GPRIN3: variants seen among roughly 807,000 people sequenced by gnomAD.
GPRIN3 encodes GPRIN family member 3.
Under a neutral mutation model 13.7 loss-of-function variants are expected in GPRIN3, and 12 were observed. The ratio of observed to expected loss-of-function variants is 0.87; its 90% CI spans 0.56 to 1.42. The LOEUF is 1.42. Ranked by LOEUF, GPRIN3 falls within the 40% of genes most tolerant of loss-of-function variation. The probability of loss-of-function intolerance (pLI) is 0.00; values close to 1 mark genes in which losing one functional copy is unlikely to be tolerated. For missense variants in GPRIN3, 1,009 were observed against 958.7 expected, an observed-to-expected ratio of 1.05 and a Z score of -0.69; for synonymous variants, 377 against 372.7, an observed-to-expected ratio of 1.01 and a Z score of -0.13.
At position 89,247,633 on chromosome 4, in the gene GPRIN3, G is replaced by T; in HGVS notation, c.*147C>A. On this transcript the variant is annotated 3_prime_UTR_variant, in exon 2 of 2. Transcript: ENST00000609438. ...TTGTTTATAGAGCTCCAGGTCAAAG[G>T]ATCTAACAATTTTTAATAGCAATTT... is the stretch of plus-strand genomic sequence containing the variant. 2 of 691,218 alleles carry T rather than the reference G, an allele frequency of 2.9e-6. No homozygotes were observed. The highest frequency in any genetic ancestry group is 4.6e-6 in the Non-Finnish European group (2 of 430,330). 42.8% of individuals were successfully genotyped at this position (691,218 alleles called of 1,614,324 possible). A position where few individuals can be genotyped will look rare whatever the true frequency, so the allele number is the denominator to read the frequency against.
At chr4:89,260,917 CA>C (rs1723604356) in intron 1 of GPRIN3, among the ~76,000 whole-genome samples, 1 of 152,150 alleles carries the variant, frequency 6.6e-6, no homozygotes. Context: ...GCCAGATATT[CA>C]GTATACAAAT....
intron 1 of GPRIN3, among the ~76,000 whole-genome samples, chr4:89,296,633 AT>A: frequency 1.5e-5 from 1 of 68,740 alleles, no homozygotes; most frequent in East Asian, 8.0e-4. Context: ...ATAAAGACAC[AT>A]GTTTGTTTTT....
At chr4:89,296,730 T>G (rs1203312933) in intron 1 of GPRIN3, among the ~76,000 whole-genome samples, 1 of 152,234 alleles carries the variant, frequency 6.6e-6, no homozygotes, top group Non-Finnish European at 1.5e-5. Flanking sequence ...GTTTTTCTTT[T>G]GAGAAACAAA....
intron 1 of GPRIN3, among the ~76,000 whole-genome samples, chr4:89,303,351 A>G (rs1724949044): frequency 6.6e-6 from 1 of 152,204 alleles, no homozygotes; most frequent in South Asian, 2.1e-4. Context: ...ATTCTGAGAA[A>G]TGAAATAATC....
chr4:89,264,298 G>A (rs941566363), intron 1 of GPRIN3, among the ~76,000 whole-genome samples: 2 of 152,058 alleles, frequency 1.3e-5, no homozygotes, highest in African/African-American at 4.8e-5. Flanking sequence ...CTCTCTCCCA[G>A]TTTGATCTCT....
intron 1 of GPRIN3, among the ~76,000 whole-genome samples, chr4:89,293,222 T>A (rs1353630004): frequency 6.6e-6 from 1 of 152,236 alleles, no homozygotes. Flanking sequence ...AGGGACTTCC[T>A]GCAGAAATGA....
chr4:89,303,187 T>C (rs1418542159), intron 1 of GPRIN3, among the ~76,000 whole-genome samples: 1 of 152,254 alleles, frequency 6.6e-6, no homozygotes, highest in Non-Finnish European at 1.5e-5. Context: ...ACTAAGAAGA[T>C]GGACAAGTCA....
At chr4:89,287,636 G>A (rs1410777591) in intron 1 of GPRIN3, among the ~76,000 whole-genome samples, 2 of 152,116 alleles carry the variant, frequency 1.3e-5, no homozygotes, top group Non-Finnish European at 2.9e-5. Flanking sequence ...ATACTCATTG[G>A]GAAATTCAGT....
intron 1 of GPRIN3, among the ~76,000 whole-genome samples, chr4:89,298,271 T>C (rs1171352622): frequency 6.6e-6 from 1 of 152,164 alleles, no homozygotes; most frequent in Non-Finnish European, 1.5e-5. Context: ...AATGCATGTG[T>C]CTGTGACTTT....
In GPRIN3 at chr4:89,285,007, C is replaced by G. The variant is rs116838340; in HGVS notation, c.-124+22608G>C. Reference sequence around the variant, plus strand: ...TTTCAGGCCTTTTGCATGTCTGACACTGCTGGCTCCACTTGGTCCTGCCAA... The same window carrying G: ...TTTCAGGCCTTTTGCATGTCTGACAGTGCTGGCTCCACTTGGTCCTGCCAA... On this transcript the variant is annotated intron_variant, in intron 1 of 1. Transcript: ENST00000609438. 5.4e-3 allele frequency among the ~76,000 whole-genome samples: 825 copies of G among 152,270 alleles called. 7 individuals carry two copies. Among genetic ancestry groups the G allele is most frequent in the African/African-American group, 0.019 (788 of 41,548 alleles).
At position 89,247,478 on chromosome 4, in the gene GPRIN3, G is replaced by A. The variant is rs1274330582; in HGVS notation, c.*302C>T. Reference sequence around the variant, plus strand: ...AATACATGTATAATGATACAATAATGCTATTTCTATGAACAACATCATATT... The same window carrying A: ...AATACATGTATAATGATACAATAATACTATTTCTATGAACAACATCATATT... On this transcript the variant is annotated 3_prime_UTR_variant, in exon 2 of 2. Coordinates refer to ENST00000609438, the MANE Select transcript of GPRIN3 (RefSeq NM_198281.3). The A allele has an allele frequency of 3.4e-6, 1 of 292,288 alleles. No individual in the cohort carries two copies. 18.1% of individuals were successfully genotyped at this position (292,288 alleles called of 1,614,324 possible).
Position 89,249,101 on chromosome 4 carries a change from G to A in GPRIN3, c.1010C>T (p.Pro337Leu), listed in dbSNP as rs1448325088. The change falls in exon 2 of 2, where the codon CCC (proline) becomes CTC (leucine). Residue 337 changes from proline (P) to leucine (L), a missense_variant. Physicochemically the swap from Pro to Leu is moderately conservative, Grantham distance 98 (BLOSUM62 -3). Transcript: ENST00000609438. ...CTTCAGAAATGCAGTGAGGATACTG[G>A]GGCTGGTGGAGACGGATCTGCTCTC... The part of the protein sequence containing the change: ...SVESRSVSTS[P>L]SILTAFLKES... 1.9e-6 allele frequency: 3 copies of A among 1,614,034 alleles called. No homozygotes were observed. Among genetic ancestry groups the A allele is most frequent in the African/African-American group, 2.7e-5 (2 of 74,898 alleles).
chr4:89,249,675 T>C lies in GPRIN3; in HGVS notation c.436A>G (p.Ile146Val), dbSNP rs1172953780. The C allele has an allele frequency of 6.2e-6, 10 of 1,614,066 alleles. No homozygotes were observed. The East Asian group carries it at 1.6e-4, about 25-fold the overall frequency. Residue 146 changes from isoleucine (I) to valine (V), a missense_variant, in exon 2 of 2, where the codon ATC (isoleucine) becomes GTC (valine). By Grantham distance (29) the Ile-to-Val change is conservative. Coordinates refer to ENST00000609438, the MANE Select transcript of GPRIN3 (RefSeq NM_198281.3). The stretch of plus-strand genomic sequence containing the variant: ...GAATCTTCAGGCATGGATGAGGTGA[T>C]GGCATTGGGCTGATCACCTGGGATG... ...QSIPGDQPNAITSSMPEDSLM... is the reference protein window; with the variant it reads ...QSIPGDQPNAVTSSMPEDSLM...
Position 89,248,405 on chromosome 4 carries a change from T to C in GPRIN3, c.1706A>G (p.Gln569Arg), listed in dbSNP as rs775736255. The change falls in exon 2 of 2, where the codon CAA (glutamine) becomes CGA (arginine). Residue 569 changes from glutamine to arginine, a missense_variant. Gln to Arg is a conservative substitution (Grantham distance 43). Transcript: ENST00000609438. ...AKTLLLNPKS[Q>R]ESGGTESAAN... ...AGCTGATTCTGTGCCTCCACTTTCT[T>C]GGGATTTAGGATTGAGCAGTAGGGT... The C allele has an allele frequency of 1.9e-6, 3 of 1,614,110 alleles. No individual in the cohort carries two copies. Among genetic ancestry groups the C allele is most frequent in the Non-Finnish European group, 2.5e-6 (3 of 1,180,012 alleles).
intron 1 of GPRIN3, among the ~76,000 whole-genome samples, chr4:89,251,906 G>A (rs970839054): frequency 6.6e-6 from 1 of 151,854 alleles, no homozygotes; most frequent in African/African-American, 2.4e-5. Context: ...GGAAAATGCT[G>A]AATTTTAAAA....
intron 1 of GPRIN3, among the ~76,000 whole-genome samples, chr4:89,293,509 C>A (rs1309854667): frequency 3.9e-5 from 6 of 152,230 alleles, no homozygotes. Context: ...TTTGGCTCCC[C>A]ACAGATCTCC....
rs376564789 is a variant in GPRIN3 at position 89,271,513 on chromosome 4, A to G, written c.-123-21280T>C. Among the ~76,000 whole-genome samples the G allele has an allele frequency of 1.8e-3, 273 of 152,324 alleles. 11 individuals carry two copies. In the South Asian group the frequency reaches 0.055, roughly 31 times the overall value. On this transcript the variant is annotated intron_variant, in intron 1 of 1. Coordinates refer to ENST00000609438, the MANE Select transcript of GPRIN3 (RefSeq NM_198281.3). ...ATTTTACATTTTTTCTAGATTACTT[A>G]TAATACCAAATACAATGTAAATGCT...
At position 89,294,800 on chromosome 4, in the gene GPRIN3, A is replaced by T. The variant is rs151023108; in HGVS notation, c.-124+12815T>A. On this transcript the variant is annotated intron_variant, in intron 1 of 1. Transcript: ENST00000609438. ...AAAATCTTATGAATTACTGGCAAGC[A>T]TAAAACAGCTCCATTGACATCACAT... 3.3e-3 allele frequency among the ~76,000 whole-genome samples: 497 copies of T among 152,344 alleles called. 3 individuals are homozygous for T. The highest frequency in any genetic ancestry group is 0.011 in the African/African-American group (454 of 41,578).
chr4:89,263,373 C>T (rs879928624), intron 1 of GPRIN3, among the ~76,000 whole-genome samples: 7 of 152,170 alleles, frequency 4.6e-5, no homozygotes, highest in Admixed American at 3.3e-4. Flanking sequence ...AGGGGGTCCC[C>T]GGAGAATCTC....
Sources: allele counts gnomAD v4.1 joint callset (sites outside exome capture counted in the v4.1 genomes callset), GRCh38; gene constraint gnomAD v4.1.1; transcripts MANE v1.5; gene names NCBI Gene and HGNC (gene_info 2026-07-23, HGNC 2026-07-21).